Variants in ENTREP2 observed in about 807,000 individuals in gnomAD.
The protein encoded by ENTREP2 is endosomal transmembrane epsin interactor 2.
the ENTREP2 span, among the ~76,000 whole-genome samples, chr15:29,262,100 G>A: frequency 2.1e-5 from 3 of 144,124 alleles, no homozygotes; most frequent in South Asian, 2.2e-4. Flanking sequence ...AAAAAAGGGC[G>A]AAGGCAAAAA....
At chr15:29,570,709 G>C in the ENTREP2 span, 1 of 1,087,164 alleles carries the variant, frequency 9.2e-7, no homozygotes, top group Non-Finnish European at 1.1e-6. Flanking sequence ...CTCGGGGGCC[G>C]CCGGCCGGAG....
the ENTREP2 span, among the ~76,000 whole-genome samples, chr15:29,296,656 T>C: frequency 6.6e-6 from 1 of 152,194 alleles, no homozygotes; most frequent in Non-Finnish European, 1.5e-5. Context: ...AAATAACATA[T>C]AAATCCAGTA....
the ENTREP2 span, among the ~76,000 whole-genome samples, chr15:29,591,640 T>C: frequency 2.6e-5 from 4 of 151,894 alleles, no homozygotes; most frequent in Admixed American, 2.0e-4. Flanking sequence ...ACACCTGCAA[T>C]CCCAGCACTT....
chr15:29,406,845 C>T, the ENTREP2 span, among the ~76,000 whole-genome samples: 1 of 152,158 alleles, frequency 6.6e-6, no homozygotes, highest in African/African-American at 2.4e-5. Flanking sequence ...CCTCACTTTC[C>T]CAATCCAAAT....
chr15:29,558,988 G>A, the ENTREP2 span, among the ~76,000 whole-genome samples: 6 of 151,920 alleles, frequency 3.9e-5, no homozygotes, highest in Non-Finnish European at 8.8e-5. Flanking sequence ...TAGTAGTTAC[G>A]TTTTGGAGGA....
At chr15:29,640,955 T>A in the ENTREP2 span, among the ~76,000 whole-genome samples, 1 of 152,172 alleles carries the variant, frequency 6.6e-6, no homozygotes, top group Non-Finnish European at 1.5e-5. Context: ...AATCCAGCAA[T>A]GTGTAAAAAG....
At chr15:29,641,128 A>C in the ENTREP2 span, among the ~76,000 whole-genome samples, 1 of 152,230 alleles carries the variant, frequency 6.6e-6, no homozygotes, top group Non-Finnish European at 1.5e-5. Context: ...ATACTCTTTC[A>C]TAATTTAAAA....
chr15:29,203,273 G>T, the ENTREP2 span, among the ~76,000 whole-genome samples: 8 of 152,178 alleles, frequency 5.3e-5, no homozygotes, highest in Admixed American at 1.3e-4. Context: ...GTTTTGGCAG[G>T]TGCCTGCAGT....
chr15:29,579,525 T>C, the ENTREP2 span, among the ~76,000 whole-genome samples: 4 of 148,508 alleles, frequency 2.7e-5, no homozygotes, highest in Admixed American at 1.3e-4. Flanking sequence ...TCTTTCTTTT[T>C]TTTTTTTTTT....
At chr15:29,441,810 G>A in the ENTREP2 span, among the ~76,000 whole-genome samples, 1 of 151,892 alleles carries the variant, frequency 6.6e-6, no homozygotes, top group South Asian at 2.1e-4. Flanking sequence ...GAGTCCTTGG[G>A]GTTCTGTCCC....
the ENTREP2 span, among the ~76,000 whole-genome samples, chr15:29,274,078 G>A: frequency 3.9e-5 from 6 of 152,094 alleles, no homozygotes; most frequent in African/African-American, 1.4e-4. Flanking sequence ...ATGTATCTAT[G>A]CATAGGGAAA....
At chr15:29,223,835 G>A in the ENTREP2 span, among the ~76,000 whole-genome samples, 4 of 152,302 alleles carry the variant, frequency 2.6e-5, no homozygotes, top group South Asian at 2.1e-4. Context: ...TATCCCAGCA[G>A]ACGAAAAGCA....
At chr15:29,450,698 A>G in the ENTREP2 span, among the ~76,000 whole-genome samples, 1 of 152,238 alleles carries the variant, frequency 6.6e-6, no homozygotes, top group African/African-American at 2.4e-5. Context: ...ACAATAGCAA[A>G]GACACTGAAT....
At chr15:29,301,379 ACTTATGCATGTC>A in the ENTREP2 span, among the ~76,000 whole-genome samples, 3 of 152,232 alleles carry the variant, frequency 2.0e-5, no homozygotes, top group African/African-American at 7.2e-5. Flanking sequence ...AAGTACTTTT[ACTTATGCATGTC>A]CTTAGAGTTT....
the ENTREP2 span, among the ~76,000 whole-genome samples, chr15:29,490,422 G>A: frequency 3.3e-5 from 5 of 152,298 alleles, no homozygotes; most frequent in South Asian, 1.0e-3. Flanking sequence ...GCGGCTGCTG[G>A]CTCCGGCAGC....
the ENTREP2 span, among the ~76,000 whole-genome samples, chr15:29,564,692 T>C: frequency 6.6e-6 from 1 of 152,286 alleles, no homozygotes; most frequent in South Asian, 2.1e-4. Flanking sequence ...TGGTAGTTTT[T>C]GGGTTCCACC....
the ENTREP2 span, among the ~76,000 whole-genome samples, chr15:29,657,215 CTTT>C: frequency 6.8e-6 from 1 of 146,568 alleles, no homozygotes; most frequent in African/African-American, 2.5e-5. Context: ...GCCGCGCCAG[CTTT>C]TTTTTTTTCT....
the ENTREP2 span, among the ~76,000 whole-genome samples, chr15:29,525,925 C>T: frequency 6.6e-6 from 1 of 152,200 alleles, no homozygotes; most frequent in Admixed American, 6.5e-5. Context: ...CCTTTCCTGA[C>T]ATGCACATTC....
At chr15:29,151,343 A>G in the ENTREP2 span, among the ~76,000 whole-genome samples, 1 of 152,202 alleles carries the variant, frequency 6.6e-6, no homozygotes, top group African/African-American at 2.4e-5. Flanking sequence ...CTGGAAAAGA[A>G]CTGATCTTCT....
Sources: allele counts gnomAD v4.1 joint callset (sites outside exome capture counted in the v4.1 genomes callset), GRCh38; gene constraint gnomAD v4.1.1; transcripts MANE v1.5; gene names NCBI Gene and HGNC (gene_info 2026-07-23, HGNC 2026-07-21).